DDC: variants seen among roughly 807,000 people sequenced by gnomAD.
DDC encodes dopa decarboxylase.
Under a neutral mutation model 60.0 loss-of-function variants are expected in DDC, and 43 were observed. That is an observed-to-expected ratio of 0.72 (90% CI 0.56 to 0.92). The LOEUF (loss-of-function observed/expected upper bound fraction) is 0.92. Among genes scored for constraint, DDC ranks in the 40% least tolerant of loss-of-function variants. The pLI is 0.00. For missense variants in DDC, 573 were observed against 620.2 expected (o/e 0.92, Z 0.81); for synonymous variants, 232 against 234.6 (o/e 0.99, Z 0.10).
chr7:50,544,178 A>G (rs2044729826), intron 1 of DDC, 65 bp from the exon 2 acceptor site: 2 of 1,285,912 alleles, frequency 1.6e-6, no homozygotes, highest in South Asian at 1.2e-5. Context: ...CGGGGATACC[A>G]AGCAAGCCGT....
intron 3 of DDC, 57 bp downstream of exon 3, chr7:50,539,858 C>T (rs1012474035): frequency 8.0e-6 from 11 of 1,367,744 alleles, no homozygotes; most frequent in Non-Finnish European, 1.1e-5. Flanking sequence ...ACCGTGTCCC[C>T]ACCCCGGGAT....
chr7:50,475,693 A>ATT (rs5884154), intron 11 of DDC, among the ~76,000 whole-genome samples: 18 of 144,214 alleles, frequency 1.2e-4, no homozygotes, highest in African/African-American at 4.3e-4. Context: ...GACACAGGTC[A>ATT]TTTTTTTTTT....
At chr7:50,475,712 C>G (rs920900409) in intron 11 of DDC, among the ~76,000 whole-genome samples, 2 of 148,890 alleles carry the variant, frequency 1.3e-5, no homozygotes, top group Admixed American at 6.7e-5. Context: ...TTTTTTGAGA[C>G]AGAGTTTCAC....
Position 50,543,971 on chromosome 7 carries a change from G to C in DDC, c.115C>G (p.Arg39Gly). Residue 39 changes from arginine (R) to glycine (G), a missense_variant, in exon 2 of 15, where the codon CGG (arginine) becomes GGG (glycine). By Grantham distance (125) the Arg-to-Gly change is moderately radical. Coordinates refer to ENST00000444124, the MANE Select transcript of DDC (RefSeq NM_001082971.2). ...GGGGCAGCGGCAGGGATCAGCGGCCGCAGGTACCCGGGCTCCACGTCAGGG... is the reference window on the plus strand; with the variant it reads ...GGGGCAGCGGCAGGGATCAGCGGCCCCAGGTACCCGGGCTCCACGTCAGGG... Reference protein sequence around the residue: ...VYPDVEPGYLRPLIPAAAPQE... With the variant: ...VYPDVEPGYLGPLIPAAAPQE... 6.2e-7 allele frequency: 1 copy of C among 1,614,156 alleles called. No homozygotes were observed. The highest frequency in any genetic ancestry group is 8.5e-7 in the Non-Finnish European group (1 of 1,180,042).
intron 4 of DDC, among the ~76,000 whole-genome samples, chr7:50,529,685 C>T (rs758647865): frequency 1.3e-5 from 2 of 152,182 alleles, no homozygotes; most frequent in Admixed American, 6.5e-5. Context: ...CAGAGGAGAA[C>T]GGCCCAGGGC....
chr7:50,477,624 C>A, intron 10 of DDC: 1 of 441,622 alleles, frequency 2.3e-6, no homozygotes, highest in Non-Finnish European at 4.5e-6. Flanking sequence ...TGGTATCATT[C>A]CCTAATAGTT....
rs1209062363 is a variant in DDC, at chr7:50,476,623, C to G, written c.1041+1G>C. The G allele has an allele frequency of 1.9e-6, 3 of 1,612,484 alleles. No individual in the cohort carries two copies. The highest frequency in any genetic ancestry group is 3.3e-5 in the Admixed American group (2 of 60,030). On this transcript the variant is annotated splice_donor_variant, in intron 11 of 14. Transcript: ENST00000444124. LOFTEE classifies it high-confidence loss of function. ...AGATTACAGTGGAATCTCCCACTTA[C>G]CCGGTAGTCAGTGATAAGCCCTGGA...
At chr7:50,500,738 G>GA (rs1383966818) in intron 7 of DDC, among the ~76,000 whole-genome samples, 1 of 152,224 alleles carries the variant, frequency 6.6e-6, no homozygotes, top group East Asian at 1.9e-4. Flanking sequence ...GGACACACTT[G>GA]ACCTTAATCC....
chr7:50,473,773 A>G (rs533736279), intron 11 of DDC, among the ~76,000 whole-genome samples: 1 of 152,370 alleles, frequency 6.6e-6, no homozygotes, highest in East Asian at 1.9e-4. Flanking sequence ...ACAAGCGGCA[A>G]GAGGAGAGCT....
chr7:50,523,750 C>G (rs1440728023), intron 6 of DDC, among the ~76,000 whole-genome samples: 1 of 152,186 alleles, frequency 6.6e-6, no homozygotes, highest in African/African-American at 2.4e-5. Flanking sequence ...CTTTGAAACA[C>G]AGTTCAGCCT....
chr7:50,465,943 G>A (rs1366301859), intron 13 of DDC, among the ~76,000 whole-genome samples: 2 of 152,152 alleles, frequency 1.3e-5, no homozygotes, highest in African/African-American at 4.8e-5. Context: ...TCATCACTTT[G>A]TGCTCTTCCA....
At position 50,513,072 on chromosome 7, in the gene DDC, C is replaced by G. The variant is rs148103069; in HGVS notation, c.715-9013G>C. ...GCTCCAGGTTGACTGCAAGAACAAA[C>G]CAGCAATCCCGAGAGGACCCACAGA... On this transcript the variant is annotated intron_variant, in intron 6 of 14. Transcript: ENST00000444124. Among the ~76,000 whole-genome samples, 5 of 152,270 alleles carry G rather than the reference C, an allele frequency of 3.3e-5. No individual in the cohort carries two copies. In the East Asian group the frequency reaches 9.7e-4, roughly 29 times the overall value.
intron 1 of DDC, among the ~76,000 whole-genome samples, chr7:50,546,446 G>A (rs2044809309): frequency 6.6e-6 from 1 of 152,122 alleles, no homozygotes; most frequent in South Asian, 2.1e-4. Flanking sequence ...AAGGGTGGAG[G>A]GGAAAAAGGA....
At chr7:50,497,919 A>G (rs1563004053) in intron 8 of DDC, among the ~76,000 whole-genome samples, 1 of 152,166 alleles carries the variant, frequency 6.6e-6, no homozygotes, top group East Asian at 1.9e-4. Flanking sequence ...TACCTCTGGT[A>G]CCCTCTTTTC....
In DDC at chr7:50,544,100, G is replaced by A. The variant is rs2044727114; in HGVS notation, c.-15C>T. On this transcript the variant is annotated 5_prime_UTR_variant, in exon 2 of 15. Coordinates refer to ENST00000444124, the MANE Select transcript of DDC (RefSeq NM_001082971.2). ...CTTGCGTTCATGGTGTCTGGGCTCT[G>A]TCAGAGGTGAAAACTGCAGAAAGAA... The A allele has an allele frequency of 6.2e-7, 1 of 1,613,192 alleles. No homozygotes were observed. Among genetic ancestry groups the A allele is most frequent in the African/African-American group, 1.3e-5 (1 of 74,890 alleles).
intron 10 of DDC, 123 bp downstream of exon 10, chr7:50,479,664 C>T (rs766262506): frequency 7.8e-6 from 7 of 893,628 alleles, no homozygotes; most frequent in Admixed American, 1.7e-5. Flanking sequence ...CACAGCACCC[C>T]GTCTTCTCTG....
intron 1 of DDC, among the ~76,000 whole-genome samples, chr7:50,556,027 G>A (rs997357946): frequency 3.9e-5 from 6 of 152,196 alleles, no homozygotes; most frequent in African/African-American, 7.2e-5. Context: ...ATGATTTCCC[G>A]AATGCCTACT....
At chr7:50,524,798 C>T (rs962053356) in intron 6 of DDC, among the ~76,000 whole-genome samples, 8 of 152,158 alleles carry the variant, frequency 5.3e-5, no homozygotes, top group Non-Finnish European at 7.3e-5. Flanking sequence ...TAACAACTAC[C>T]ATAGGACCCT....
intron 9 of DDC, among the ~76,000 whole-genome samples, chr7:50,480,888 T>C (rs1260824546): frequency 6.6e-6 from 1 of 152,096 alleles, no homozygotes; most frequent in East Asian, 1.9e-4. Context: ...CTCACACTGG[T>C]AGTCATTCTG....
Sources: allele counts gnomAD v4.1 joint callset (sites outside exome capture counted in the v4.1 genomes callset), GRCh38; gene constraint gnomAD v4.1.1; transcripts MANE v1.5; gene names NCBI Gene and HGNC (gene_info 2026-07-23, HGNC 2026-07-21).